Variants in PDE11A observed in about 807,000 individuals in gnomAD.
The protein encoded by PDE11A is phosphodiesterase 11A, also known as dual 3',5'-cyclic-AMP and -GMP phosphodiesterase 11A.
PDE11A carries 100 observed loss-of-function variants against 100.5 expected under a neutral mutation model. That is an observed-to-expected ratio of 1.00 (90% CI 0.85 to 1.18). PDE11A has a LOEUF of 1.18. Among genes scored for constraint, PDE11A ranks in the 50% most tolerant of loss-of-function variants. The pLI, the probability that PDE11A is intolerant of heterozygous loss-of-function variation, is 0.00. For synonymous variants in PDE11A, 381 were observed against 420.8 expected, an observed-to-expected ratio of 0.91 and a Z score of 1.16; for missense variants, 1,141 against 1,152.6, an observed-to-expected ratio of 0.99 and a Z score of 0.15.
At chr2:177,720,081 G>A (rs1392748205) in intron 12 of PDE11A, among the ~76,000 whole-genome samples, 3 of 151,962 alleles carry the variant, frequency 2.0e-5, no homozygotes, top group Non-Finnish European at 4.4e-5. Context: ...TTAGGGCAAT[G>A]TTAGGGCTCC....
At chr2:177,679,376 T>G (rs953438963) in intron 16 of PDE11A, among the ~76,000 whole-genome samples, 3 of 152,170 alleles carry the variant, frequency 2.0e-5, no homozygotes. Flanking sequence ...ATATACAATT[T>G]ATGTTAAAAT....
intron 2 of PDE11A, among the ~76,000 whole-genome samples, chr2:178,098,903 A>C (rs1245159735): frequency 1.3e-5 from 2 of 152,220 alleles, no homozygotes; most frequent in African/African-American, 4.8e-5. Context: ...TTTAGCTAAT[A>C]TGCTAATCTC....
At chr2:177,984,614 T>C (rs1053199963) in intron 2 of PDE11A, among the ~76,000 whole-genome samples, 1 of 152,202 alleles carries the variant, frequency 6.6e-6, no homozygotes, top group Admixed American at 6.5e-5. Flanking sequence ...ATAAAAATCA[T>C]ATTAATAAAA....
upstream of PDE11A, chr2:178,072,971 T>A (rs557317480): frequency 1.6e-5 from 16 of 985,196 alleles, no homozygotes; most frequent in Non-Finnish European, 1.6e-5. Context: ...GGACTCCTGA[T>A]TGGAACACGA....
intron 2 of PDE11A, among the ~76,000 whole-genome samples, chr2:178,012,837 G>GTATGTAGT (rs1173971266): frequency 6.6e-6 from 1 of 152,128 alleles, no homozygotes; most frequent in African/African-American, 2.4e-5. Flanking sequence ...TATGGTATGG[G>GTATGTAGT]TATGTAGTGG....
chr2:177,930,368 A>G (rs1410967293), intron 2 of PDE11A, among the ~76,000 whole-genome samples: 1 of 152,166 alleles, frequency 6.6e-6, no homozygotes, highest in Non-Finnish European at 1.5e-5. Context: ...CAAGTAAACA[A>G]CCATATTCAA....
At chr2:177,972,119 C>A (rs192641198) in intron 2 of PDE11A, among the ~76,000 whole-genome samples, 1 of 152,202 alleles carries the variant, frequency 6.6e-6, no homozygotes, top group Admixed American at 6.5e-5. Flanking sequence ...CTACAAAGAG[C>A]AATTTAGAAA....
intron 9 of PDE11A, among the ~76,000 whole-genome samples, chr2:177,776,826 C>T (rs1157619461): frequency 6.6e-6 from 1 of 152,096 alleles, no homozygotes; most frequent in Non-Finnish European, 1.5e-5. Context: ...CATGGTTTGG[C>T]TGTGTCCCCA....
At chr2:177,834,436 G>A (rs537907038) in intron 6 of PDE11A, among the ~76,000 whole-genome samples, 1 of 152,184 alleles carries the variant, frequency 6.6e-6, no homozygotes, top group Non-Finnish European at 1.5e-5. Context: ...TTGGGGGAAT[G>A]TATTGGCACC....
chr2:177,629,258 T>C lies in PDE11A; in HGVS notation c.*149A>G, dbSNP rs2079879790. On this transcript the variant is annotated 3_prime_UTR_variant, in exon 20 of 20. Transcript: ENST00000286063. ...CCGTTGCTCTCTCTGCTGCTGACCA[T>C]GCTTCAAGGTGAAAGCCCAGGCATG... is the stretch of plus-strand genomic sequence containing the variant. 5.3e-6 allele frequency: 4 copies of C among 759,608 alleles called. No individual in the cohort carries two copies. The highest frequency in any genetic ancestry group is 4.4e-5 in the South Asian group (3 of 68,698). 47.1% of individuals were successfully genotyped at this position (759,608 alleles called of 1,614,324 possible). A position where few individuals can be genotyped will look rare whatever the true frequency, so the allele number is the denominator to read the frequency against.
At chr2:177,686,917 A>G (rs1455890132) in intron 15 of PDE11A, 2 of 151,974 alleles carry the variant, frequency 1.3e-5, no homozygotes, top group Non-Finnish European at 2.9e-5. Flanking sequence ...GTGTTTTGCT[A>G]TGTTGGCCAG....
At chr2:177,680,201 A>G (rs1270085791) in intron 16 of PDE11A, among the ~76,000 whole-genome samples, 1 of 152,088 alleles carries the variant, frequency 6.6e-6, no homozygotes, top group Non-Finnish European at 1.5e-5. Flanking sequence ...TAGAACAGGG[A>G]TAAGACAGCA....
chr2:177,887,418 C>T (rs559452180), intron 4 of PDE11A, among the ~76,000 whole-genome samples: 34 of 150,442 alleles, frequency 2.3e-4, no homozygotes, highest in African/African-American at 7.8e-4. Flanking sequence ...TCTTGATTAA[C>T]GGGGTCTTAG....
chr2:178,012,369 TA>T (rs1180085008), intron 2 of PDE11A, among the ~76,000 whole-genome samples: 1 of 152,244 alleles, frequency 6.6e-6, no homozygotes, highest in Non-Finnish European at 1.5e-5. Context: ...AAATATTAAT[TA>T]TTTAAAAAAA....
At chr2:177,659,321 T>C (rs78997385) in intron 19 of PDE11A, among the ~76,000 whole-genome samples, 6,456 of 150,878 alleles carry the variant, frequency 0.043, 143 homozygotes, top group East Asian at 0.081. Flanking sequence ...AAGTTTACTG[T>C]AAATCTTAAC....
At chr2:177,778,962 T>C (rs2082416074) in intron 9 of PDE11A, among the ~76,000 whole-genome samples, 1 of 152,180 alleles carries the variant, frequency 6.6e-6, no homozygotes, top group African/African-American at 2.4e-5. Context: ...GATTCATTTT[T>C]TTAAAATTGA....
chr2:177,923,585 T>G (rs1484198648), intron 2 of PDE11A, among the ~76,000 whole-genome samples: 1 of 152,154 alleles, frequency 6.6e-6, no homozygotes, highest in Non-Finnish European at 1.5e-5. Flanking sequence ...CTAGTAGACT[T>G]AGCCAGAACT....
At chr2:177,808,832 T>C (rs1028481053) in intron 9 of PDE11A, among the ~76,000 whole-genome samples, 1 of 152,018 alleles carries the variant, frequency 6.6e-6, no homozygotes, top group African/African-American at 2.4e-5. Context: ...AAAAGACCCA[T>C]GAAAAATAAT....
At chr2:177,719,608 T>C (rs2081495367) in intron 12 of PDE11A, among the ~76,000 whole-genome samples, 1 of 152,146 alleles carries the variant, frequency 6.6e-6, no homozygotes, top group Admixed American at 6.5e-5. Context: ...CTGCACACCA[T>C]ATTCCTAATC....
Sources: gnomAD v4.1 joint callset for allele counts (sites outside exome capture counted in the v4.1 genomes callset) on GRCh38, gnomAD v4.1.1 for gene constraint, MANE v1.5 for transcripts, NCBI Gene and HGNC (gene_info 2026-07-23, HGNC 2026-07-21) for gene names.